The following MEGF11 variants were observed in gnomAD, a reference collection of about 807,000 sequenced individuals.
MEGF11 encodes the protein multiple epidermal growth factor-like domains protein 11.
In MEGF11, 126 loss-of-function variants were observed where a neutral mutation model predicts 146.6. The observed-to-expected ratio is 0.86, with a 90% confidence interval of 0.74 to 1.00. MEGF11 has a LOEUF of 1.00. Ranked by LOEUF, MEGF11 falls within the 50% of genes least tolerant of loss-of-function variation. The pLI is 0.00. For synonymous variants in MEGF11, 532 were observed against 583.4 expected (o/e 0.91, Z 1.27); for missense variants, 1,509 against 1,521.2 (o/e 0.99, Z 0.13).
intron 15 of MEGF11, among the ~76,000 whole-genome samples, 187 bp from the exon 16 acceptor site, chr15:65,918,281 C>T (rs149523986): frequency 8.5e-4 from 129 of 152,310 alleles, no homozygotes; most frequent in African/African-American, 3.0e-3. Context: ...ATGAGTTGCC[C>T]CTCTCATGCC....
chr15:66,150,887 G>A (rs1332374667), intron 1 of MEGF11, among the ~76,000 whole-genome samples: 2 of 142,712 alleles, frequency 1.4e-5, no homozygotes, highest in African/African-American at 5.3e-5. Flanking sequence ...ATTTTCCAAG[G>A]CCACACCCCT....
chr15:66,039,033 A>T (rs1055172860), intron 5 of MEGF11, among the ~76,000 whole-genome samples: 1 of 152,200 alleles, frequency 6.6e-6, no homozygotes, highest in Non-Finnish European at 1.5e-5. Flanking sequence ...TCTCCTGTGA[A>T]CTTGCTGGAA....
intron 5 of MEGF11, among the ~76,000 whole-genome samples, chr15:66,071,966 C>T (rs1319751997): frequency 6.6e-6 from 1 of 152,202 alleles, no homozygotes; most frequent in African/African-American, 2.4e-5. Flanking sequence ...CTCACAGAGC[C>T]CACAGCTCCT....
rs570143611 is a variant in MEGF11 at position 65,949,677 on chromosome 15, TC to T, written c.1287+7869del. 6.8e-4 allele frequency among the ~76,000 whole-genome samples: 103 copies of T among 152,282 alleles called. 1 individual carries two copies. The highest frequency in any genetic ancestry group is 2.4e-3 in the African/African-American group (100 of 41,562). ...GGAATGGCCAGAGGGCCCCTTATCT[TC>T]CAGACACGCAGGACCCATGCGGGAG... On this transcript the variant is annotated intron_variant, in intron 10 of 25. Transcript: ENST00000395614.
At chr15:65,941,816 G>A (rs2080002894) in intron 10 of MEGF11, among the ~76,000 whole-genome samples, 1 of 152,256 alleles carries the variant, frequency 6.6e-6, no homozygotes, top group Admixed American at 6.5e-5. Context: ...CCAGGAGGGA[G>A]TGGGGAGCAG....
At chr15:66,060,745 C>T (rs141830214) in intron 5 of MEGF11, among the ~76,000 whole-genome samples, 1 of 152,348 alleles carries the variant, frequency 6.6e-6, no homozygotes, top group African/African-American at 2.4e-5. Context: ...ATCCCGTGTC[C>T]TCGCAGCACC....
chr15:66,122,829 A>G (rs2088105283), intron 3 of MEGF11, among the ~76,000 whole-genome samples: 1 of 152,042 alleles, frequency 6.6e-6, no homozygotes, highest in African/African-American at 2.4e-5. Flanking sequence ...CCCAGGCTGG[A>G]GTGCAGTGGC....
At chr15:65,968,481 AT>A (rs1175143103) in intron 8 of MEGF11, among the ~76,000 whole-genome samples, 1 of 152,100 alleles carries the variant, frequency 6.6e-6, no homozygotes. Flanking sequence ...AGCCCACTAT[AT>A]TTTTGGGGTG....
chr15:65,898,457 G>GCGCGTGCA, intron 25 of MEGF11: 5 of 983,398 alleles, frequency 5.1e-6, no homozygotes, highest in Non-Finnish European at 4.8e-6. Flanking sequence ...GTGTGTGTGC[G>GCGCGTGCA]CGCGTGCACG....
At chr15:65,948,754 G>A (rs1483042217) in intron 10 of MEGF11, among the ~76,000 whole-genome samples, 1 of 152,174 alleles carries the variant, frequency 6.6e-6, no homozygotes, top group Non-Finnish European at 1.5e-5. Context: ...GAAAAAATGA[G>A]GCTTGAGAAG....
In MEGF11 at chr15:66,124,127, TC is replaced by T. The variant is rs960177994; in HGVS notation, c.99-128del. ...AGCCAAGTGTCCGGAGGCTCTGACC[TC>T]CCCCCTCCCAACTATCCTCCCCCTG... On this transcript the variant is annotated intron_variant, in intron 2 of 25. Coordinates refer to ENST00000395614, the MANE Select transcript of MEGF11 (RefSeq NM_001385028.1). The T allele has an allele frequency of 4.1e-5, 29 of 710,110 alleles. 1 individual carries two copies. Among genetic ancestry groups the T allele is most frequent in the Middle Eastern group, 6.3e-4 (2 of 3,192 alleles). The allele number at this position is 710,110 out of a possible 1,614,324, so 44.0% of individuals were successfully genotyped here. A position where few individuals can be genotyped will look rare whatever the true frequency, so the allele number is the denominator to read the frequency against.
Position 65,982,903 on chromosome 15 carries a change from C to T in MEGF11, c.395-415G>A, listed in dbSNP as rs962270369. Among the ~76,000 whole-genome samples the T allele has an allele frequency of 2.7e-5, 4 of 150,252 alleles. No homozygotes were observed. Among genetic ancestry groups the T allele is most frequent in the African/African-American group, 9.8e-5 (4 of 40,748 alleles). ...GCCCTTTCTTTTCCCATCTGCCACC[C>T]CTCTCCTCTGTGACCCTACCCCTCT... is the stretch of plus-strand genomic sequence containing the variant. On this transcript the variant is annotated intron_variant, in intron 5 of 25. Transcript: ENST00000395614. This position sits in a 1 kb window ranked among gnomAD's most constrained non-coding sequence, Gnocchi z 5.6.
At chr15:66,188,478 C>G (rs1204544579) in intron 1 of MEGF11, among the ~76,000 whole-genome samples, 2 of 152,184 alleles carry the variant, frequency 1.3e-5, no homozygotes, top group Admixed American at 6.5e-5. Flanking sequence ...ATCAGGGATC[C>G]CACAGTGGAA....
intron 7 of MEGF11, among the ~76,000 whole-genome samples, chr15:65,972,495 G>T (rs2141621520): frequency 6.6e-6 from 1 of 151,904 alleles, no homozygotes; most frequent in African/African-American, 2.4e-5. Context: ...GATCTCTTGA[G>T]CCCAGGAGTT....
chr15:66,223,401 T>C (rs2091780398), intron 1 of MEGF11, among the ~76,000 whole-genome samples: 1 of 151,692 alleles, frequency 6.6e-6, no homozygotes, highest in Non-Finnish European at 1.5e-5. Flanking sequence ...TGTGGGATTA[T>C]ACTACAAAAT....
chr15:65,908,132 A>T (rs1444450951), intron 23 of MEGF11, among the ~76,000 whole-genome samples: 1 of 152,202 alleles, frequency 6.6e-6, no homozygotes, highest in Non-Finnish European at 1.5e-5. Flanking sequence ...CCTCCTGAGT[A>T]TAGGCCCAGG....
At chr15:65,919,913 TTTTAA>T (rs1292115043) in intron 15 of MEGF11, among the ~76,000 whole-genome samples, 1 of 134,618 alleles carries the variant, frequency 7.4e-6, no homozygotes, top group East Asian at 2.0e-4. Flanking sequence ...CCGGCCAAAC[TTTTAA>T]TTTAAACAAA....
chr15:66,187,185 G>A (rs1363550364), intron 1 of MEGF11, among the ~76,000 whole-genome samples: 3 of 152,216 alleles, frequency 2.0e-5, no homozygotes, highest in African/African-American at 7.2e-5. Flanking sequence ...CAATGTGGAG[G>A]TTACAAAGGA....
intron 1 of MEGF11, among the ~76,000 whole-genome samples, chr15:66,154,403 T>C (rs1307931565): frequency 6.6e-6 from 1 of 152,156 alleles, no homozygotes; most frequent in Non-Finnish European, 1.5e-5. Flanking sequence ...GCCAAGGGGC[T>C]GCGAAATTAA....
Sources: gnomAD v4.1 joint callset for allele counts (sites outside exome capture counted in the v4.1 genomes callset) on GRCh38, gnomAD v4.1.1 for gene constraint, Gnocchi (gnomAD v3.1) non-coding constraint, MANE v1.5 for transcripts, NCBI Gene and HGNC (gene_info 2026-07-23, HGNC 2026-07-21) for gene names.